Variants in SLC38A6 observed in about 807,000 individuals in gnomAD.
SLC38A6 encodes the protein N system amino acid transporter NAT-1.
SLC38A6 carries 73 observed loss-of-function variants against 65.0 expected under a neutral mutation model. The observed-to-expected ratio is 1.12, with a 90% confidence interval of 0.93 to 1.37. SLC38A6 has a LOEUF of 1.37. Ranked by LOEUF, SLC38A6 falls within the 40% of genes most tolerant of loss-of-function variation. The probability of loss-of-function intolerance (pLI) is 0.00; values close to 1 mark genes in which losing one functional copy is unlikely to be tolerated. For synonymous variants in SLC38A6, 183 were observed against 178.8 expected (o/e 1.02, Z -0.19); for missense variants, 561 against 531.1 (o/e 1.06, Z -0.55).
intron 4 of SLC38A6, among the ~76,000 whole-genome samples, chr14:61,016,598 AG>A (rs889731832): frequency 6.6e-6 from 1 of 152,192 alleles, no homozygotes; most frequent in Non-Finnish European, 1.5e-5. Context: ...CTAGTTTAAT[AG>A]GTAGAGAAAA....
At chr14:61,017,539 C>T (rs962477522) in intron 4 of SLC38A6, among the ~76,000 whole-genome samples, 1 of 152,118 alleles carries the variant, frequency 6.6e-6, no homozygotes, top group Non-Finnish European at 1.5e-5. Flanking sequence ...CAGTTTCCTC[C>T]ATCTAGTTTA....
At chr14:61,022,572 A>C (rs11624664) in intron 5 of SLC38A6, among the ~76,000 whole-genome samples, 39,989 of 151,488 alleles carry the variant, frequency 0.26, 5,825 homozygotes, top group East Asian at 0.45. Flanking sequence ...ATTAATTGGA[A>C]ATATATTGGA....
chr14:61,067,767 A>G (rs886422296), intron 15 of SLC38A6, among the ~76,000 whole-genome samples: 1 of 152,146 alleles, frequency 6.6e-6, no homozygotes, highest in Admixed American at 6.6e-5. Context: ...ATACATATGT[A>G]TCTGTTATCT....
intron 3 of SLC38A6, among the ~76,000 whole-genome samples, chr14:61,012,357 T>G (rs1033903773): frequency 6.6e-6 from 1 of 152,198 alleles, no homozygotes; most frequent in African/African-American, 2.4e-5. Flanking sequence ...TTGATTTTTT[T>G]GCAGGGTTTT....
chr14:61,064,705 G>C (rs1159877729), intron 15 of SLC38A6, among the ~76,000 whole-genome samples: 1 of 150,460 alleles, frequency 6.6e-6, no homozygotes, highest in African/African-American at 2.5e-5. Flanking sequence ...AATTTTTCCT[G>C]GGAAATATGG....
rs1219735380 is a variant in SLC38A6, at chr14:61,083,553, A to T, written c.1409-2A>T. The T allele has an allele frequency of 3.2e-6, 5 of 1,548,888 alleles. No individual in the cohort carries two copies. In the South Asian group the frequency reaches 6.0e-5, roughly 19 times the overall value. ...ATGTGACTGGTGTTCTTGTAAGAAA[A>T]GGAAGAGATACCATGGAGATGTGCA... On this transcript the variant is annotated splice_acceptor_variant, in intron 16 of 16. Transcript: ENST00000354886. LOFTEE classifies it high-confidence loss of function.
chr14:60,986,259 A>G (rs575116259), intron 3 of SLC38A6, among the ~76,000 whole-genome samples: 20 of 152,362 alleles, frequency 1.3e-4, no homozygotes, highest in Admixed American at 1.3e-3. Flanking sequence ...AGATCTTTTT[A>G]TACACAGAGA....
Position 61,030,422 on chromosome 14 carries a change from G to A in SLC38A6, c.404-23G>A. 4 of 1,536,588 alleles carry A rather than the reference G, an allele frequency of 2.6e-6. No individual in the cohort carries two copies. The South Asian group carries it at 4.7e-5, about 18-fold the overall frequency. On this transcript the variant is annotated intron_variant, in intron 5 of 15. Transcript: ENST00000267488. The stretch of plus-strand genomic sequence containing the variant: ...GTTAAGAATCATAGAATTCTAATAG[G>A]AACACTATTTATTCTTTTGCAGCTA...
chr14:61,081,905 G>A (rs901455163), intron 16 of SLC38A6, among the ~76,000 whole-genome samples: 1 of 152,114 alleles, frequency 6.6e-6, no homozygotes, highest in African/African-American at 2.4e-5. Flanking sequence ...GAACCACTGG[G>A]GTAGGCTGTG....
chr14:61,066,388 A>C (rs988104271), intron 15 of SLC38A6, among the ~76,000 whole-genome samples: 1 of 152,166 alleles, frequency 6.6e-6, no homozygotes, highest in African/African-American at 2.4e-5. Context: ...GTCAGTCAGG[A>C]CAAGCAATTA....
chr14:60,985,201 G>A (rs1228084836), intron 3 of SLC38A6, among the ~76,000 whole-genome samples: 3 of 152,122 alleles, frequency 2.0e-5, no homozygotes, highest in Admixed American at 6.5e-5. Context: ...TCAGAGGTAG[G>A]GATGGCAGAA....
rs191632056 is a variant in SLC38A6 at position 61,022,372 on chromosome 14, A to G, written c.403+2792A>G. On this transcript the variant is annotated intron_variant, in intron 5 of 15. Coordinates refer to ENST00000267488, the MANE Select transcript of SLC38A6 (RefSeq NM_153811.3). ...TAAAAAGTAGTTTCTTGATTGATAT[A>G]TACAGAATCTGTGGAACTTCTAGTC... is the stretch of plus-strand genomic sequence containing the variant. Among the ~76,000 whole-genome samples the G allele has an allele frequency of 2.2e-3, 332 of 152,014 alleles. 3 individuals carry two copies. The highest frequency in any genetic ancestry group is 6.8e-3 in the African/African-American group (284 of 41,498).
intron 16 of SLC38A6, among the ~76,000 whole-genome samples, chr14:61,080,495 G>A (rs1448822194): frequency 6.6e-6 from 1 of 152,176 alleles, no homozygotes; most frequent in East Asian, 1.9e-4. Flanking sequence ...CATGCAATAG[G>A]TTTTGGTTCT....
At chr14:61,054,961 A>G (rs906674535), downstream of SLC38A6, among the ~76,000 whole-genome samples, 4 of 152,026 alleles carry the variant, frequency 2.6e-5, no homozygotes, top group Admixed American at 2.6e-4. Flanking sequence ...AAATGCTTCC[A>G]GGTTTTATCT....
intron 3 of SLC38A6, among the ~76,000 whole-genome samples, chr14:61,014,450 C>T (rs115400175): frequency 0.017 from 2,601 of 152,280 alleles, 69 homozygotes; most frequent in African/African-American, 0.059. Flanking sequence ...TTTGGAGGAA[C>T]AGAGGTGCTC....
chr14:61,039,469 C>T (rs1443100800), intron 8 of SLC38A6, among the ~76,000 whole-genome samples: 3 of 151,512 alleles, frequency 2.0e-5, no homozygotes, highest in Admixed American at 6.6e-5. Context: ...CTCCTGGGTT[C>T]AAGCAATTCT....
chr14:60,982,366 G>A, intron 1 of SLC38A6, 142 bp from the exon 2 acceptor site: 1 of 1,006,926 alleles, frequency 9.9e-7, no homozygotes, highest in East Asian at 2.6e-5. Flanking sequence ...AAGGAAATTA[G>A]TGTTGGTTAA....
At chr14:61,079,737 A>C (rs1217606367) in intron 16 of SLC38A6, among the ~76,000 whole-genome samples, 1 of 152,096 alleles carries the variant, frequency 6.6e-6, no homozygotes, top group Non-Finnish European at 1.5e-5. Context: ...TCCATCCAGA[A>C]CCTGCCTCCC....
chr14:61,012,398 G>T (rs2039647062), intron 3 of SLC38A6, among the ~76,000 whole-genome samples: 1 of 152,056 alleles, frequency 6.6e-6, no homozygotes, highest in Non-Finnish European at 1.5e-5. Flanking sequence ...GTTCTGCTCT[G>T]ATCTTAGTTA....
Sources: gnomAD v4.1 joint callset for allele counts (sites outside exome capture counted in the v4.1 genomes callset) on GRCh38, gnomAD v4.1.1 for gene constraint, MANE v1.5 for transcripts, NCBI Gene and HGNC (gene_info 2026-07-23, HGNC 2026-07-21) for gene names.